Variants in CTTN observed in about 807,000 individuals in gnomAD.
The protein encoded by CTTN is cortactin.
A neutral mutation model predicts 84.0 loss-of-function variants in CTTN; 28 were observed. The observed-to-expected ratio is 0.33, with a 90% CI of 0.25 to 0.46. The LOEUF (loss-of-function observed/expected upper bound fraction) is 0.46, where lower values mean the gene tolerates loss of function less well. Ranked by LOEUF, CTTN falls within the 20% of genes least tolerant of loss-of-function variation. The probability of loss-of-function intolerance (pLI) is 1.00; values close to 1 mark genes in which losing one functional copy is unlikely to be tolerated. For synonymous variants in CTTN, 301 were observed against 288.8 expected, an observed-to-expected ratio of 1.04 and a Z score of -0.43; for missense variants, 641 against 723.8, an observed-to-expected ratio of 0.89 and a Z score of 1.31.
rs747261199 is a variant in CTTN, at chr11:70,433,613, T to C, written c.1445-34T>C. ...AAGGCTGGGAACCTGTGTGGGACTTTGTATTGTTCAGCTCTGTCATGGCTT... is the reference window on the plus strand; with the variant it reads ...AAGGCTGGGAACCTGTGTGGGACTTCGTATTGTTCAGCTCTGTCATGGCTT... On this transcript the variant is annotated intron_variant, in intron 16 of 17. Transcript: ENST00000301843. 7.0e-5 allele frequency: 104 copies of C among 1,487,592 alleles called. 2 individuals are homozygous for C. The East Asian group carries it at 2.3e-3, about 33-fold the overall frequency. The allele number at this position is 1,487,592 out of a possible 1,614,324, so 92.1% of individuals were successfully genotyped here. A position where few individuals can be genotyped will look rare whatever the true frequency, so the allele number is the denominator to read the frequency against.
intron 8 of CTTN, among the ~76,000 whole-genome samples, chr11:70,417,677 G>A (rs997646689): frequency 6.6e-6 from 1 of 152,002 alleles, no homozygotes; most frequent in Non-Finnish European, 1.5e-5. Flanking sequence ...TGTATTTTTA[G>A]TAGAGACGGA....
At chr11:70,423,772 A>G (rs1013822255) in intron 12 of CTTN, among the ~76,000 whole-genome samples, 1 of 152,208 alleles carries the variant, frequency 6.6e-6, no homozygotes, top group African/African-American at 2.4e-5. Context: ...ACCACAGAGC[A>G]TTCTGCATGT....
rs374719202 is a variant in CTTN at position 70,410,719 on chromosome 11, G to T, written c.291+759G>T. On this transcript the variant is annotated intron_variant, in intron 5 of 17. Coordinates refer to ENST00000301843, the MANE Select transcript of CTTN (RefSeq NM_005231.4). ...TCTTCAGTAAAACAGACATCCTGGA[G>T]GTGAACTTTTGAGTCTGAGCAACAT... is the stretch of plus-strand genomic sequence containing the variant. 4.5e-4 allele frequency among the ~76,000 whole-genome samples: 68 copies of T among 152,320 alleles called. 1 individual carries two copies. Among genetic ancestry groups the T allele is most frequent in the African/African-American group, 1.5e-3 (63 of 41,564 alleles).
rs529285524 is a variant in CTTN at position 70,426,392 on chromosome 11, C to T, written c.1027+991C>T. Reference sequence around the variant, plus strand: ...CGCCACTGCACTCCAGCCTGGATGACAGAGCGAGACTCCGTCTCAAAAAAA... The same window carrying T: ...CGCCACTGCACTCCAGCCTGGATGATAGAGCGAGACTCCGTCTCAAAAAAA... On this transcript the variant is annotated intron_variant, in intron 13 of 17. Transcript: ENST00000301843. Among the ~76,000 whole-genome samples the T allele has an allele frequency of 2.0e-4, 28 of 142,750 alleles. 1 individual carries two copies. In the East Asian group the frequency reaches 5.7e-3, roughly 29 times the overall value. 93.6% of individuals were successfully genotyped at this position (142,750 alleles called of 152,430 possible). A position where few individuals can be genotyped will look rare whatever the true frequency, so the allele number is the denominator to read the frequency against.
In CTTN at chr11:70,418,254, G is replaced by T. The variant is rs2058186259; in HGVS notation, c.568+1131G>T. Among the ~76,000 whole-genome samples, 5 of 152,362 alleles carry T rather than the reference G, an allele frequency of 3.3e-5. No homozygotes were observed. In the South Asian group the frequency reaches 1.0e-3, roughly 32 times the overall value. ...CTTGTAGTTTGTCGCGGCCTGGCCT[G>T]GCCTTGCCTTCCTGCCGGTCAGGCC... On this transcript the variant is annotated intron_variant, in intron 8 of 17. Transcript: ENST00000301843.
At chr11:70,401,219 C>A (rs1240708409) in intron 1 of CTTN, among the ~76,000 whole-genome samples, 2 of 151,920 alleles carry the variant, frequency 1.3e-5, no homozygotes, top group East Asian at 3.9e-4. Context: ...ACCTGTAATC[C>A]CAGCACTTTG....
rs547452914 is a variant in CTTN, at chr11:70,421,541, G to C, written c.862G>C (p.Asp288His). ...GCAGGACTCCGCTGCTGTGGGGTTT[G>C]ATTACAAGGAGAAGCTGGCCAAGCA... is the stretch of plus-strand genomic sequence containing the variant. ...ERQDSAAVGF[D>H]YKEKLAKHES... Residue 288 changes from aspartate to histidine, a missense_variant, in exon 11 of 18, where the codon GAT (aspartate) becomes CAT (histidine). Asp to His is a moderately conservative substitution (Grantham distance 81). Around this residue, in one of 3 missense-constraint regions of CTTN, gnomAD observed 289 missense variants for 273.1 expected, o/e 1.06. Transcript: ENST00000301843. 6.2e-7 allele frequency: 1 copy of C among 1,614,166 alleles called. No individual in the cohort carries two copies. The highest frequency in any genetic ancestry group is 1.1e-5 in the South Asian group (1 of 91,090).
intron 1 of CTTN, among the ~76,000 whole-genome samples, chr11:70,404,044 C>G: frequency 6.6e-6 from 1 of 152,012 alleles, no homozygotes; most frequent in Non-Finnish European, 1.5e-5. Context: ...CCATGCCTGG[C>G]TAAATTTTTA....
At chr11:70,410,082 C>T (rs181593198) in intron 5 of CTTN, 122 bp downstream of exon 5, 13 of 1,034,016 alleles carry the variant, frequency 1.3e-5, no homozygotes, top group Middle Eastern at 2.6e-4. Flanking sequence ...GCTGAGGTTG[C>T]GATTTGCCCG....
Position 70,427,254 on chromosome 11 carries a change from G to A in CTTN, c.1028-1797G>A, listed in dbSNP as rs956970969. On this transcript the variant is annotated intron_variant, in intron 13 of 17. Coordinates refer to ENST00000301843, the MANE Select transcript of CTTN (RefSeq NM_005231.4). Reference sequence around the variant, plus strand: ...AATCCCAGCTACTCAGAAGACTGAGGTACGAGAATTGCTTGAACCTGGAGG... The same window carrying A: ...AATCCCAGCTACTCAGAAGACTGAGATACGAGAATTGCTTGAACCTGGAGG... Among the ~76,000 whole-genome samples the A allele has an allele frequency of 1.5e-4, 23 of 152,226 alleles. No homozygotes were observed. In the East Asian group the frequency reaches 1.9e-3, roughly 13 times the overall value.
At chr11:70,432,843 G>T (rs2058369312) in intron 15 of CTTN, among the ~76,000 whole-genome samples, 1 of 152,356 alleles carries the variant, frequency 6.6e-6, no homozygotes, top group East Asian at 1.9e-4. Flanking sequence ...AACCTGCTGT[G>T]TGGGCGTGGT....
Position 70,436,165 on chromosome 11 carries a change from G to T in CTTN, c.*1003G>T. The T allele has an allele frequency of 3.4e-6, 5 of 1,477,140 alleles. No individual in the cohort carries two copies. Among genetic ancestry groups the T allele is most frequent in the Non-Finnish European group, 4.5e-6 (5 of 1,122,826 alleles). The allele number at this position is 1,477,140 out of a possible 1,614,324, so 91.5% of individuals were successfully genotyped here. ...CAAAATATCATGTTCAATTTCAGTA[G>T]TTTGATCAGTTGAAGGCTAGAAGTG... On this transcript the variant is annotated 3_prime_UTR_variant, in exon 18 of 18. Coordinates refer to ENST00000301843, the MANE Select transcript of CTTN (RefSeq NM_005231.4).
intron 5 of CTTN, among the ~76,000 whole-genome samples, chr11:70,413,030 GTC>G (rs1474548168): frequency 1.3e-5 from 2 of 152,240 alleles, no homozygotes; most frequent in Non-Finnish European, 2.9e-5. Context: ...CGGATGGGCA[GTC>G]TCTGCCACAG....
intron 13 of CTTN, among the ~76,000 whole-genome samples, chr11:70,427,541 G>A (rs2058312968): frequency 6.6e-6 from 1 of 152,248 alleles, no homozygotes; most frequent in African/African-American, 2.4e-5. Context: ...CACCTAGGTA[G>A]GCGATTGGGA....
chr11:70,399,913 A>C, intron 1 of CTTN, among the ~76,000 whole-genome samples: 1 of 152,150 alleles, frequency 6.6e-6, no homozygotes, highest in Non-Finnish European at 1.5e-5. Context: ...GCCGGGCCCA[A>C]GGCCGTGGCG....
intron 1 of CTTN, among the ~76,000 whole-genome samples, chr11:70,401,313 A>T (rs1257476598): frequency 6.6e-6 from 1 of 151,846 alleles, no homozygotes; most frequent in Non-Finnish European, 1.5e-5. Context: ...TACTAAAAAA[A>T]AAAATACAAA....
In CTTN at chr11:70,414,663, T is replaced by C; in HGVS notation, c.402+11T>C. 6.2e-7 allele frequency: 1 copy of C among 1,603,792 alleles called. No homozygotes were observed. The highest frequency in any genetic ancestry group is 8.5e-7 in the Non-Finnish European group (1 of 1,170,762). On this transcript the variant is annotated intron_variant, in intron 6 of 17. Transcript: ENST00000301843. ...GACAGAGTTGATCAGGTGAGTGATGTGGCACTGGGACTGGGGCAGGTTGGG... is the reference window on the plus strand; with the variant it reads ...GACAGAGTTGATCAGGTGAGTGATGCGGCACTGGGACTGGGGCAGGTTGGG...
At chr11:70,430,742 T>C (rs886109530) in intron 14 of CTTN, among the ~76,000 whole-genome samples, 2 of 152,174 alleles carry the variant, frequency 1.3e-5, no homozygotes, top group Non-Finnish European at 2.9e-5. Context: ...GTCCCCAAAG[T>C]CTCAACCCAT....
At chr11:70,402,246 C>T (rs1328131426) in intron 1 of CTTN, among the ~76,000 whole-genome samples, 2 of 152,202 alleles carry the variant, frequency 1.3e-5, no homozygotes, top group South Asian at 2.1e-4. Flanking sequence ...TGTACACTGA[C>T]GTTTGCAAGG....
Sources: allele counts gnomAD v4.1 joint callset (sites outside exome capture counted in the v4.1 genomes callset), GRCh38; gene constraint gnomAD v4.1.1; regional missense constraint gnomAD v4.1.1; transcripts MANE v1.5; gene names NCBI Gene and HGNC (gene_info 2026-07-23, HGNC 2026-07-21).